The following MRPL54 variants were observed in gnomAD, a reference collection of about 807,000 sequenced individuals.
MRPL54 encodes the protein mitochondrial ribosomal protein L54.
MRPL54 carries 12 observed loss-of-function variants against 15.6 expected under a neutral mutation model. That is an observed-to-expected ratio of 0.77 (90% CI 0.49 to 1.24). MRPL54 has a LOEUF of 1.24. MRPL54 is among the 50% of genes most tolerant of loss of function. The pLI, the probability that MRPL54 is intolerant of heterozygous loss-of-function variation, is 0.00. For synonymous variants in MRPL54, 91 were observed against 75.7 expected, an observed-to-expected ratio of 1.20 and a Z score of -1.05; for missense variants, 178 against 186.8, an observed-to-expected ratio of 0.95 and a Z score of 0.28.
chr19:3,766,964 G>T (rs1346492727), intron 2 of MRPL54, among the ~76,000 whole-genome samples: 1 of 152,238 alleles, frequency 6.6e-6, no homozygotes, highest in African/African-American at 2.4e-5. Flanking sequence ...GAAGGCTGGG[G>T]AGGGTCAGGA....
At chr19:3,763,973 A>G (rs1311224312) in intron 1 of MRPL54, among the ~76,000 whole-genome samples, 4 of 152,206 alleles carry the variant, frequency 2.6e-5, no homozygotes, top group Middle Eastern at 3.4e-3. Flanking sequence ...CACAACTGTG[A>G]TCTCAGCTAC....
intron 1 of MRPL54, 39 bp from the exon 2 acceptor site, chr19:3,765,127 G>A (rs1246858502): frequency 6.4e-7 from 1 of 1,573,534 alleles, no homozygotes; most frequent in African/African-American, 1.4e-5. Flanking sequence ...TTCCAGAGGA[G>A]GGGCTGGGCT....
Position 3,762,760 on chromosome 19 carries a change from G to T in MRPL54, c.60G>T (p.Glu20Asp), listed in dbSNP as rs752401811. The T allele has an allele frequency of 6.2e-7, 1 of 1,610,496 alleles. No individual in the cohort carries two copies. The highest frequency in any genetic ancestry group is 8.5e-7 in the Non-Finnish European group (1 of 1,178,496). ...CGTGGGCCGGCTGGGGGGCCTGGGA[G>T]CTCCTAAACCCCGCCACTTCCGGAA... The part of the protein sequence containing the change: ...TRTWAGWGAW[E>D]LLNPATSGRL... The change falls in exon 1 of 3, where the codon GAG (glutamate) becomes GAT (aspartate). Residue 20 changes from glutamate (E) to aspartate (D), a missense_variant. Physicochemically the swap from Glu to Asp is conservative, Grantham distance 45. Coordinates refer to ENST00000330133, the MANE Select transcript of MRPL54 (RefSeq NM_172251.3).
At position 3,762,742 on chromosome 19, in the gene MRPL54, C is replaced by A. The variant is rs977682457; in HGVS notation, c.42C>A (p.Ala14=). Residue 14 remains alanine, a synonymous_variant, in exon 1 of 3, where the codon GCC becomes GCA. Coordinates refer to ENST00000330133, the MANE Select transcript of MRPL54 (RefSeq NM_172251.3). ...KRLFGATRTW[A]GWGAWELLNP... is the part of the protein sequence containing the mutation. Reference sequence around the variant, plus strand: ...TTTTCGGGGCTACCCGGACGTGGGCCGGCTGGGGGGCCTGGGAGCTCCTAA... The same window carrying A: ...TTTTCGGGGCTACCCGGACGTGGGCAGGCTGGGGGGCCTGGGAGCTCCTAA... 1.9e-6 allele frequency: 3 copies of A among 1,610,994 alleles called. No individual in the cohort carries two copies. Among genetic ancestry groups the A allele is most frequent in the Non-Finnish European group, 2.5e-6 (3 of 1,178,798 alleles).
intron 1 of MRPL54, 71 bp from the exon 2 acceptor site, chr19:3,765,095 G>A: frequency 6.6e-7 from 1 of 1,510,312 alleles, no homozygotes; most frequent in Non-Finnish European, 8.9e-7. Flanking sequence ...CCTGAGACAG[G>A]GTTCTGTGAG....
Position 3,767,297 on chromosome 19 carries a change from G to A in MRPL54, c.321G>A (p.Leu107=). ...FEMNLGPPKT[L]EELDPESREY... Reference sequence around the variant, plus strand: ...TGAACTTGGGTCCCCCAAAGACCCTGGAGGAGCTGGACCCCGAGAGCCGGG... The same window carrying A: ...TGAACTTGGGTCCCCCAAAGACCCTAGAGGAGCTGGACCCCGAGAGCCGGG... Residue 107 remains leucine, a synonymous_variant, in exon 3 of 3, where the codon CTG becomes CTA. Transcript: ENST00000330133. 1 of 1,612,832 alleles carries A rather than the reference G, an allele frequency of 6.2e-7. No individual in the cohort carries two copies. The highest frequency in any genetic ancestry group is 8.5e-7 in the Non-Finnish European group (1 of 1,179,558).
At chr19:3,767,202 G>T (rs1480131433) in intron 2 of MRPL54, 59 bp from the exon 3 acceptor site, 3 of 1,557,994 alleles carry the variant, frequency 1.9e-6, no homozygotes, top group Non-Finnish European at 2.6e-6. Flanking sequence ...AGGTGCCCGG[G>T]ACACCAGGGA....
chr19:3,766,380 A>C (rs932317806), intron 2 of MRPL54, among the ~76,000 whole-genome samples: 2 of 150,342 alleles, frequency 1.3e-5, no homozygotes, highest in Non-Finnish European at 3.0e-5. Context: ...CGCCTGGCCT[A>C]ATTTTGTATT....
chr19:3,767,325 T>C lies in MRPL54; in HGVS notation c.349T>C (p.Tyr117His), dbSNP rs2037206891. 6.2e-7 allele frequency: 1 copy of C among 1,605,110 alleles called. No homozygotes were observed. Among genetic ancestry groups the C allele is most frequent in the South Asian group, 1.1e-5 (1 of 90,346 alleles). The change falls in exon 3 of 3, where the codon TAC becomes CAC. Residue 117 changes from tyrosine (Y) to histidine (H), a missense_variant. Physicochemically the swap from Tyr to His is moderately conservative, Grantham distance 83. Coordinates refer to ENST00000330133, the MANE Select transcript of MRPL54 (RefSeq NM_172251.3). ...GGAGCTGGACCCCGAGAGCCGGGAG[T>C]ACTGGCGGCGGCTGCGGAAACAGAA... The part of the protein sequence containing the change: ...LEELDPESRE[Y>H]WRRLRKQNIW...
intron 2 of MRPL54, among the ~76,000 whole-genome samples, chr19:3,766,503 C>T (rs1364250881): frequency 6.6e-6 from 1 of 152,218 alleles, no homozygotes; most frequent in African/African-American, 2.4e-5. Flanking sequence ...CGTGAGCCGC[C>T]GCACCCGTCC....
intron 2 of MRPL54, 130 bp downstream of exon 2, chr19:3,765,461 G>C: frequency 1.0e-6 from 1 of 966,566 alleles, no homozygotes; most frequent in East Asian, 2.7e-5. Flanking sequence ...CCTGGCTTTA[G>C]GGCAGGGGGC....
chr19:3,765,457 T>A, intron 2 of MRPL54, 126 bp downstream of exon 2: 1 of 1,043,868 alleles, frequency 9.6e-7, no homozygotes, highest in Non-Finnish European at 1.4e-6. Flanking sequence ...CCATCCTGGC[T>A]TTAGGGCAGG....
chr19:3,766,419 G>A (rs2037198649), intron 2 of MRPL54, among the ~76,000 whole-genome samples: 1 of 151,822 alleles, frequency 6.6e-6, no homozygotes, highest in African/African-American at 2.4e-5. Flanking sequence ...TCTCCATGTT[G>A]GCCAGGCTGG....
At chr19:3,763,462 T>A (rs950806417) in intron 1 of MRPL54, among the ~76,000 whole-genome samples, 1 of 152,148 alleles carries the variant, frequency 6.6e-6, no homozygotes, top group African/African-American at 2.4e-5. Flanking sequence ...TACTTAATGC[T>A]GTGTCCAAAT....
chr19:3,765,786 T>C (rs1006099058), intron 2 of MRPL54, among the ~76,000 whole-genome samples: 3 of 151,474 alleles, frequency 2.0e-5, no homozygotes, highest in Non-Finnish European at 4.4e-5. Context: ...TAGTCCCAGT[T>C]ACTTGGGAGG....
At chr19:3,765,399 C>T (rs558961187) in intron 2 of MRPL54, 68 bp downstream of exon 2, 93 of 1,557,760 alleles carry the variant, frequency 6.0e-5, no homozygotes, top group South Asian at 1.9e-4. Context: ...GACCCCTTCC[C>T]GGAGAGGCGG....
intron 1 of MRPL54, 106 bp downstream of exon 1, chr19:3,762,924 C>A: frequency 1.0e-6 from 1 of 986,252 alleles, no homozygotes; most frequent in Non-Finnish European, 1.5e-6. Flanking sequence ...TGCGCAAGCG[C>A]AGAGAGGCGG....
chr19:3,762,891 T>C lies in MRPL54; in HGVS notation c.118+73T>C, dbSNP rs2037164161. ...GAATTGACAGTGCGCAGGCGGTGGT[T>C]GGGGAGGTGGTGCTAGAACTGATGC... On this transcript the variant is annotated intron_variant, in intron 1 of 2. Coordinates refer to ENST00000330133, the MANE Select transcript of MRPL54 (RefSeq NM_172251.3). 2.4e-6 allele frequency: 3 copies of C among 1,262,562 alleles called. No homozygotes were observed. The East Asian group carries it at 7.9e-5, about 33-fold the overall frequency. The allele number at this position is 1,262,562 out of a possible 1,614,324, so 78.2% of individuals were successfully genotyped here. A position where few individuals can be genotyped will look rare whatever the true frequency, so the allele number is the denominator to read the frequency against.
intron 2 of MRPL54, 58 bp downstream of exon 2, chr19:3,765,389 G>T (rs2037189784): frequency 6.3e-7 from 1 of 1,587,712 alleles, no homozygotes. Context: ...GCCCCAGGAG[G>T]ACCCCTTCCC....
Sources: gnomAD v4.1 joint callset for allele counts (sites outside exome capture counted in the v4.1 genomes callset) on GRCh38, gnomAD v4.1.1 for gene constraint, MANE v1.5 for transcripts, NCBI Gene and HGNC (gene_info 2026-07-23, HGNC 2026-07-21) for gene names.